POU1F1: variants seen among roughly 807,000 people sequenced by gnomAD.
POU1F1 encodes POU class 1 homeobox 1, also known as pituitary-specific positive transcription factor 1.
POU1F1 carries 23 observed loss-of-function variants against 32.3 expected under a neutral mutation model. That is an observed-to-expected ratio of 0.71 (90% CI 0.51 to 1.01). The LOEUF (loss-of-function observed/expected upper bound fraction) is 1.01, where lower values mean the gene tolerates loss of function less well. POU1F1 is among the 50% of genes least tolerant of loss of function. The pLI, the probability that POU1F1 is intolerant of heterozygous loss-of-function variation, is 0.00. For synonymous variants in POU1F1, 120 were observed against 115.6 expected, an observed-to-expected ratio of 1.04 and a Z score of -0.25; for missense variants, 323 against 341.6, an observed-to-expected ratio of 0.95 and a Z score of 0.43.
Position 87,276,562 on chromosome 3 carries a change from C to CAT in POU1F1, c.-102_-101dup. The CAT allele has an allele frequency of 7.3e-7, 1 of 1,364,788 alleles. No individual in the cohort carries two copies. The highest frequency in any genetic ancestry group is 1.2e-5 in the South Asian group (1 of 80,382). The allele number at this position is 1,364,788 out of a possible 1,614,324, so 84.5% of individuals were successfully genotyped here. A position where few individuals can be genotyped will look rare whatever the true frequency, so the allele number is the denominator to read the frequency against. On this transcript the variant is annotated 5_prime_UTR_variant, in exon 1 of 6. The change creates a new upstream start codon in the 5' untranslated region. Transcript: ENST00000350375. ...GGGCCGATTCAATTCTCACTACCTG[C>CAT]ATATATACATCAGGAAGGCTCTGAG...
At position 87,264,487 on chromosome 3, in the gene POU1F1, T is replaced by C; in HGVS notation, c.240A>G (p.Lys80=). 1 of 1,610,228 alleles carries C rather than the reference T, an allele frequency of 6.2e-7. No individual in the cohort carries two copies. Among genetic ancestry groups the C allele is most frequent in the African/African-American group, 1.3e-5 (1 of 74,886 alleles). ...CATGACTCAAGGTGTGGTCAGGAAA[T>C]TTATAAAGACAAGGGGTTAAACTAC... is the stretch of plus-strand genomic sequence containing the variant. ...MAGSLTPCLY[K]FPDHTLSHGF... Residue 80 remains lysine, a synonymous_variant, in exon 3 of 6, where the codon AAA becomes AAG. Coordinates refer to ENST00000350375, the MANE Select transcript of POU1F1 (RefSeq NM_000306.4).
intron 4 of POU1F1, among the ~76,000 whole-genome samples, chr3:87,261,710 A>T (rs1024703200): frequency 6.6e-6 from 1 of 152,090 alleles, no homozygotes; most frequent in Non-Finnish European, 1.5e-5. Context: ...GGTGTGTGCA[A>T]ATGTTTTGTG....
intron 1 of POU1F1, among the ~76,000 whole-genome samples, chr3:87,274,004 CT>C (rs1483465709): frequency 6.6e-6 from 1 of 152,160 alleles, no homozygotes; most frequent in Admixed American, 6.6e-5. Context: ...AAAAATCTCA[CT>C]GCATTCAGAG....
chr3:87,274,873 GA>G (rs1314502411), intron 1 of POU1F1, among the ~76,000 whole-genome samples: 5 of 151,204 alleles, frequency 3.3e-5, no homozygotes, highest in African/African-American at 1.2e-4. Flanking sequence ...CAGATTTTAG[GA>G]AGTTAAATAC....
At position 87,264,528 on chromosome 3, in the gene POU1F1, G is replaced by A. The variant is rs765650644; in HGVS notation, c.215-16C>T. On this transcript the variant is annotated splice_polypyrimidine_tract_variant and intron_variant, in intron 2 of 5. Transcript: ENST00000350375. ...GTTAAACTACCTGTGAGTAAACAAA[G>A]AAATAAAATGAAAAAGACCATTTGT... is the stretch of plus-strand genomic sequence containing the variant. 16 of 1,530,616 alleles carry A rather than the reference G, an allele frequency of 1.0e-5. No homozygotes were observed. Among genetic ancestry groups the A allele is most frequent in the African/African-American group, 1.4e-5 (1 of 73,010 alleles). The allele number at this position is 1,530,616 out of a possible 1,614,324, so 94.8% of individuals were successfully genotyped here.
At chr3:87,262,278 A>C in intron 3 of POU1F1, 43 bp from the exon 4 acceptor site, 2 of 1,611,398 alleles carry the variant, frequency 1.2e-6, no homozygotes, top group Non-Finnish European at 1.7e-6. Context: ...ACTTTCCAGG[A>C]AATGTTAATT....
chr3:87,273,495 G>C, intron 1 of POU1F1, 77 bp from the exon 2 acceptor site: 3 of 1,594,554 alleles, frequency 1.9e-6, no homozygotes, highest in Non-Finnish European at 2.6e-6. Flanking sequence ...AAATAGATGG[G>C]ACTGGTAAGA....
chr3:87,276,544 T>C lies in POU1F1; in HGVS notation c.-82A>G. 3 of 1,501,992 alleles carry C rather than the reference T, an allele frequency of 2.0e-6. No individual in the cohort carries two copies. The highest frequency in any genetic ancestry group is 2.7e-6 in the Non-Finnish European group (3 of 1,101,184). 93.0% of individuals were successfully genotyped at this position (1,501,992 alleles called of 1,614,324 possible). ...TTATATTACTGTCTCAAAGGGCCGATTCAATTCTCACTACCTGCATATATA... is the reference window on the plus strand; with the variant it reads ...TTATATTACTGTCTCAAAGGGCCGACTCAATTCTCACTACCTGCATATATA... On this transcript the variant is annotated 5_prime_UTR_variant, in exon 1 of 6. Transcript: ENST00000350375.
In POU1F1 at chr3:87,273,466, G is replaced by A. The variant is rs374725184; in HGVS notation, c.143-48C>T. On this transcript the variant is annotated intron_variant, in intron 1 of 5. Coordinates refer to ENST00000350375, the MANE Select transcript of POU1F1 (RefSeq NM_000306.4). ...CGAGAAATGTGTGCACAAACATTTAGGAGTTTGGATCAAAGACAAAATAGA... is the reference window on the plus strand; with the variant it reads ...CGAGAAATGTGTGCACAAACATTTAAGAGTTTGGATCAAAGACAAAATAGA... 8.1e-4 allele frequency: 1,296 copies of A among 1,609,664 alleles called. 15 individuals are homozygous for A. The South Asian group carries it at 0.013, about 17-fold the overall frequency.
intron 1 of POU1F1, among the ~76,000 whole-genome samples, chr3:87,273,769 G>A (rs1706771879): frequency 6.6e-6 from 1 of 152,116 alleles, no homozygotes; most frequent in South Asian, 2.1e-4. Context: ...GGCCCTTTGG[G>A]AGTTGCAGAA....
In POU1F1 at chr3:87,276,493, C is replaced by T. The variant is rs1378944581; in HGVS notation, c.-31G>A. The T allele has an allele frequency of 1.2e-6, 2 of 1,610,504 alleles. No individual in the cohort carries two copies. The highest frequency in any genetic ancestry group is 4.5e-5 in the East Asian group (2 of 44,820). On this transcript the variant is annotated 5_prime_UTR_variant, in exon 1 of 6. Coordinates refer to ENST00000350375, the MANE Select transcript of POU1F1 (RefSeq NM_000306.4). ...CAAGAGAGTAGAAAAATAAGGAGAACCGCTGCTCCCCAAATCAGAGTTTTA... is the reference window on the plus strand; with the variant it reads ...CAAGAGAGTAGAAAAATAAGGAGAATCGCTGCTCCCCAAATCAGAGTTTTA...
intron 2 of POU1F1, among the ~76,000 whole-genome samples, chr3:87,272,488 C>G (rs1262230194): frequency 6.6e-6 from 1 of 152,126 alleles, no homozygotes; most frequent in Non-Finnish European, 1.5e-5. Context: ...CATAATAAAA[C>G]TGTGTACTTT....
At position 87,276,523 on chromosome 3, in the gene POU1F1, A is replaced by T. The variant is rs1269977822; in HGVS notation, c.-61T>A. ...GCTCCCCAAATCAGAGTTTTATTATATTACTGTCTCAAAGGGCCGATTCAA... is the reference window on the plus strand; with the variant it reads ...GCTCCCCAAATCAGAGTTTTATTATTTTACTGTCTCAAAGGGCCGATTCAA... On this transcript the variant is annotated 5_prime_UTR_variant, in exon 1 of 6. Coordinates refer to ENST00000350375, the MANE Select transcript of POU1F1 (RefSeq NM_000306.4). The T allele has an allele frequency of 6.4e-7, 1 of 1,574,578 alleles. No homozygotes were observed. The highest frequency in any genetic ancestry group is 8.7e-7 in the Non-Finnish European group (1 of 1,155,030).
At position 87,271,686 on chromosome 3, in the gene POU1F1, G is replaced by A. The variant is rs546929688; in HGVS notation, c.214+1661C>T. Among the ~76,000 whole-genome samples, 47 of 152,246 alleles carry A rather than the reference G, an allele frequency of 3.1e-4. 1 individual carries two copies. Among genetic ancestry groups the A allele is most frequent in the South Asian group, 4.1e-4 (2 of 4,820 alleles). The stretch of plus-strand genomic sequence containing the variant: ...CGCATTTATTTTACTATTTTATAAT[G>A]ACAGTAGTTCATCATTGAGGAGGGC... On this transcript the variant is annotated intron_variant, in intron 2 of 5. Transcript: ENST00000350375.
intron 2 of POU1F1, among the ~76,000 whole-genome samples, chr3:87,272,512 A>G (rs1383169385): frequency 6.6e-6 from 1 of 152,178 alleles, no homozygotes; most frequent in African/African-American, 2.4e-5. Flanking sequence ...AAAACAATTA[A>G]AATCTTATGT....
chr3:87,266,766 T>G (rs1342736978), intron 2 of POU1F1, among the ~76,000 whole-genome samples: 1 of 152,056 alleles, frequency 6.6e-6, no homozygotes, highest in African/African-American at 2.4e-5. Flanking sequence ...AATTTTCTGC[T>G]AAATTAAAAG....
intron 3 of POU1F1, among the ~76,000 whole-genome samples, chr3:87,263,828 A>C (rs1706557952): frequency 6.6e-6 from 1 of 152,008 alleles, no homozygotes; most frequent in African/African-American, 2.4e-5. Flanking sequence ...AAAACTTCAA[A>C]TAATACATAT....
chr3:87,259,981 G>A lies in POU1F1; in HGVS notation c.789C>T (p.Cys263=). The A allele has an allele frequency of 6.2e-7, 1 of 1,614,078 alleles. No homozygotes were observed. Among genetic ancestry groups the A allele is most frequent in the Non-Finnish European group, 8.5e-7 (1 of 1,179,994 alleles). Residue 263 remains cysteine (C), a synonymous_variant, in exon 6 of 6, where the codon TGC becomes TGT. Coordinates refer to ENST00000350375, the MANE Select transcript of POU1F1 (RefSeq NM_000306.4). The part of the protein sequence containing the change: ...LEKEVVRVWF[C]NRRQREKRVK... ...CCCGTTTTTCTCTCTGCCTCCGGTTGCAAAACCAAACTCTTACTACTTCTT... is the reference window on the plus strand; with the variant it reads ...CCCGTTTTTCTCTCTGCCTCCGGTTACAAAACCAAACTCTTACTACTTCTT...
intron 5 of POU1F1, among the ~76,000 whole-genome samples, chr3:87,260,950 G>A (rs934729366): frequency 6.7e-6 from 1 of 148,522 alleles, no homozygotes; most frequent in Non-Finnish European, 1.5e-5. Flanking sequence ...TCGCTCTGTC[G>A]CCCAAGCTGG....
Sources: allele counts gnomAD v4.1 joint callset (sites outside exome capture counted in the v4.1 genomes callset), GRCh38; gene constraint gnomAD v4.1.1; transcripts MANE v1.5; gene names NCBI Gene and HGNC (gene_info 2026-07-23, HGNC 2026-07-21).